Variants in AGTPBP1 observed in about 807,000 individuals in gnomAD.
AGTPBP1 encodes the protein ATP/GTP binding carboxypeptidase 1, also known as cytosolic carboxypeptidase 1.
In AGTPBP1, 70 loss-of-function variants were observed where a neutral mutation model predicts 143.9. The ratio of observed to expected loss-of-function variants is 0.49; its 90% CI spans 0.40 to 0.59. AGTPBP1 has a LOEUF of 0.59. Ranked by LOEUF, AGTPBP1 falls within the 20% of genes least tolerant of loss-of-function variation. The pLI, the probability that AGTPBP1 is intolerant of heterozygous loss-of-function variation, is 0.00. For missense variants in AGTPBP1, 1,229 were observed against 1,464.5 expected (o/e 0.84, Z 2.62); for synonymous variants, 463 against 500.2 (o/e 0.93, Z 0.99).
chr9:85,619,066 A>G lies in AGTPBP1; in HGVS notation c.2252T>C (p.Phe751Ser). ...NSNHYHQWFY[F>S]EVSGMRPGVA... ...ACCTGGTCGCATTCCACTGACTTCA[A>G]AGTAAAACCACTGATGATAATGATT... is the stretch of plus-strand genomic sequence containing the variant. The change falls in exon 17 of 26, where the codon TTT becomes TCT. Residue 751 changes from phenylalanine to serine, a missense_variant. This residue lies in a region of AGTPBP1 where 486 missense variants were observed against 652.3 expected (regional missense o/e 0.75). Transcript: ENST00000357081. The G allele has an allele frequency of 6.2e-7, 1 of 1,613,860 alleles. No individual in the cohort carries two copies. The highest frequency in any genetic ancestry group is 8.5e-7 in the Non-Finnish European group (1 of 1,179,842).
intron 2 of AGTPBP1, among the ~76,000 whole-genome samples, chr9:85,705,846 G>A (rs763427124): frequency 4.6e-5 from 7 of 151,712 alleles, no homozygotes; most frequent in Admixed American, 2.0e-4. Context: ...GCCCACCACC[G>A]CACCCAGCTA....
chr9:85,671,989 A>G (rs899631229), intron 7 of AGTPBP1, among the ~76,000 whole-genome samples: 8 of 152,096 alleles, frequency 5.3e-5, no homozygotes, highest in Non-Finnish European at 1.2e-4. Flanking sequence ...TCTTTTCTAC[A>G]GGCTGCCTAG....
intron 7 of AGTPBP1, among the ~76,000 whole-genome samples, chr9:85,669,971 T>G (rs1303888391): frequency 6.6e-6 from 1 of 152,288 alleles, no homozygotes; most frequent in East Asian, 1.9e-4. Context: ...AAACAAATAA[T>G]TACTAAATTA....
intron 1 of AGTPBP1, among the ~76,000 whole-genome samples, chr9:85,713,290 G>C (rs1837498181): frequency 6.6e-6 from 1 of 152,174 alleles, no homozygotes; most frequent in Non-Finnish European, 1.5e-5. Flanking sequence ...CAGCACTTTG[G>C]GGGGCCAAGG....
At chr9:85,642,983 A>ATT (rs1178413305) in intron 12 of AGTPBP1, 40 bp from the exon 13 acceptor site, 1 of 1,382,006 alleles carries the variant, frequency 7.2e-7, no homozygotes, top group Admixed American at 2.0e-5. Context: ...GTAAAACAAA[A>ATT]TTTTTAAAAA....
At chr9:85,599,793 CAA>C (rs1238807971) in intron 17 of AGTPBP1, among the ~76,000 whole-genome samples, 1 of 152,182 alleles carries the variant, frequency 6.6e-6, no homozygotes, top group Non-Finnish European at 1.5e-5. Flanking sequence ...ACAGATTCTT[CAA>C]AAGACATTTG....
chr9:85,633,539 A>G (rs1831829441), intron 13 of AGTPBP1, among the ~76,000 whole-genome samples, 165 bp from the exon 14 acceptor site: 1 of 152,246 alleles, frequency 6.6e-6, no homozygotes, highest in Admixed American at 6.5e-5. Context: ...ATTTTTAACC[A>G]CAACAAAATT....
chr9:85,781,866 C>A, the AGTPBP1 span, among the ~76,000 whole-genome samples: 3 of 151,800 alleles, frequency 2.0e-5, no homozygotes, highest in African/African-American at 7.3e-5. Context: ...TTAGTGCATT[C>A]CTAAATGAAA....
At chr9:85,640,555 C>T (rs1402298775) in intron 13 of AGTPBP1, among the ~76,000 whole-genome samples, 1 of 152,216 alleles carries the variant, frequency 6.6e-6, no homozygotes, top group Admixed American at 6.5e-5. Flanking sequence ...TCTTTACAAT[C>T]TGACCCTGGC....
chr9:85,678,908 A>C (rs1437373541), intron 4 of AGTPBP1, among the ~76,000 whole-genome samples: 2 of 152,196 alleles, frequency 1.3e-5, no homozygotes, highest in African/African-American at 4.8e-5. Flanking sequence ...ATATCGATAG[A>C]TAAAGAGCTT....
chr9:85,693,684 G>A (rs928382712), intron 2 of AGTPBP1, among the ~76,000 whole-genome samples: 6 of 152,056 alleles, frequency 3.9e-5, no homozygotes, highest in Admixed American at 1.3e-4. Context: ...CTCCTGCCCC[G>A]CATAGAGTGT....
intron 1 of AGTPBP1, 31 bp from the exon 2 acceptor site, chr9:85,712,597 C>CT: frequency 8.7e-7 from 1 of 1,149,460 alleles, no homozygotes; most frequent in East Asian, 2.7e-5. Flanking sequence ...ATATTAAAAA[C>CT]TTATAACTCT....
chr9:85,753,545 G>C, the AGTPBP1 span: 1 of 1,280,954 alleles, frequency 7.8e-7, no homozygotes, highest in African/African-American at 1.5e-5. Context: ...CCTGCGGTCA[G>C]GAGTTCGACC....
rs1828734745 is a variant in AGTPBP1, at chr9:85,588,204, T to C, written c.2903+94A>G. ...AATTTCTTTATTCTAGAAAAATCAC[T>C]AAGTTTGTTAACCTGGACATTGTTA... On this transcript the variant is annotated intron_variant, in intron 21 of 25. Transcript: ENST00000357081. 5 of 1,131,754 alleles carry C rather than the reference T, an allele frequency of 4.4e-6. No homozygotes were observed. The East Asian group carries it at 1.1e-4, about 26-fold the overall frequency. 70.1% of individuals were successfully genotyped at this position (1,131,754 alleles called of 1,614,324 possible). A position where few individuals can be genotyped will look rare whatever the true frequency, so the allele number is the denominator to read the frequency against.
chr9:85,687,552 C>T (rs1001784254), intron 3 of AGTPBP1, among the ~76,000 whole-genome samples: 1 of 151,458 alleles, frequency 6.6e-6, no homozygotes, highest in African/African-American at 2.4e-5. Flanking sequence ...TAGAAATCAA[C>T]AGAAGGAAAT....
chr9:85,727,547 C>T (rs1481259498), intron 1 of AGTPBP1, among the ~76,000 whole-genome samples: 1 of 152,176 alleles, frequency 6.6e-6, no homozygotes, highest in Non-Finnish European at 1.5e-5. Context: ...AATACAGTGG[C>T]TTAGCAGAAG....
intron 3 of AGTPBP1, among the ~76,000 whole-genome samples, chr9:85,691,550 T>G (rs1050380300): frequency 6.6e-6 from 1 of 151,372 alleles, no homozygotes; most frequent in Admixed American, 6.6e-5. Context: ...TGTGTGTGTG[T>G]GTGTGTGTGT....
chr9:85,553,560 G>A (rs1006141887), intron 25 of AGTPBP1, among the ~76,000 whole-genome samples: 6 of 152,236 alleles, frequency 3.9e-5, no homozygotes, highest in African/African-American at 1.2e-4. Flanking sequence ...TGGGTTTATC[G>A]GGACATAATC....
intron 21 of AGTPBP1, among the ~76,000 whole-genome samples, chr9:85,587,535 A>G (rs1041222792): frequency 7.8e-4 from 118 of 152,204 alleles, no homozygotes; most frequent in African/African-American, 2.7e-3. Context: ...TGGTCAATAT[A>G]TTTCTCAATT....
Sources: gnomAD v4.1 joint callset for allele counts (sites outside exome capture counted in the v4.1 genomes callset) on GRCh38, gnomAD v4.1.1 for gene constraint, gnomAD v4.1.1 regional missense constraint, MANE v1.5 for transcripts, NCBI Gene and HGNC (gene_info 2026-07-23, HGNC 2026-07-21) for gene names.